DAB1: variants seen among roughly 807,000 people sequenced by gnomAD.
DAB1 encodes DAB adaptor protein 1, also known as disabled homolog 1.
Under a neutral mutation model 64.6 loss-of-function variants are expected in DAB1, and 15 were observed. The ratio of observed to expected loss-of-function variants is 0.23; its 90% confidence interval spans 0.16 to 0.36. The LOEUF is 0.36. Among genes scored for constraint, DAB1 ranks in the 10% least tolerant of loss-of-function variants. The probability of loss-of-function intolerance (pLI) is 1.00; values close to 1 mark genes in which losing one functional copy is unlikely to be tolerated. For synonymous variants in DAB1, 235 were observed against 251.9 expected, an observed-to-expected ratio of 0.93 and a Z score of 0.64; for missense variants, 596 against 706.7, an observed-to-expected ratio of 0.84 and a Z score of 1.78.
chr1:57,626,383 C>T (rs950888478), intron 7 of DAB1, among the ~76,000 whole-genome samples: 1 of 152,146 alleles, frequency 6.6e-6, no homozygotes, highest in Non-Finnish European at 1.5e-5. Context: ...CATACTCACA[C>T]CACAGAGGAT....
intron 1 of DAB1, among the ~76,000 whole-genome samples, chr1:57,303,131 A>G (rs1673810715): frequency 6.6e-6 from 1 of 152,174 alleles, no homozygotes; most frequent in Admixed American, 6.5e-5. Context: ...CCTGAGATTT[A>G]GATGACATTT....
chr1:57,197,325 CAG>C lies in DAB1; in HGVS notation c.68-51898_68-51897del, dbSNP rs1557916674. Among the ~76,000 whole-genome samples the C allele has an allele frequency of 3.0e-5, 4 of 134,432 alleles. No homozygotes were observed. In the South Asian group the frequency reaches 9.2e-4, roughly 31 times the overall value. The allele number at this position is 134,432 out of a possible 152,430, so 88.2% of individuals were successfully genotyped here. On this transcript the variant is annotated intron_variant, in intron 2 of 14. Coordinates refer to ENST00000371236, the MANE Select transcript of DAB1 (RefSeq NM_001365792.1). ...TGCCACTGCACTCCAGTCTAGGTGA[CAG>C]AGAGAGACTTCATCTCAAAAAAAAA... is the stretch of plus-strand genomic sequence containing the variant.
intron 1 of DAB1, among the ~76,000 whole-genome samples, chr1:58,533,665 A>T (rs1205391915): frequency 2.0e-5 from 3 of 152,184 alleles, no homozygotes; most frequent in Non-Finnish European, 4.4e-5. Context: ...AAAGTTTAAA[A>T]TTTAATTTGA....
chr1:57,454,225 T>C (rs1410622934), intron 7 of DAB1, among the ~76,000 whole-genome samples: 1 of 152,100 alleles, frequency 6.6e-6, no homozygotes, highest in Non-Finnish European at 1.5e-5. Flanking sequence ...GGAGTTATAA[T>C]TCACAATAGC....
intron 6 of DAB1, among the ~76,000 whole-genome samples, chr1:57,782,289 C>T (rs756577219): frequency 1.9e-4 from 29 of 152,088 alleles, no homozygotes; most frequent in African/African-American, 4.8e-4. Context: ...ACACTGGTCC[C>T]GTATTTTACA....
At chr1:58,447,283 G>A (rs1179391644) in intron 3 of DAB1, among the ~76,000 whole-genome samples, 1 of 152,106 alleles carries the variant, frequency 6.6e-6, no homozygotes, top group Non-Finnish European at 1.5e-5. Flanking sequence ...AAATAATGGC[G>A]CATTTCAAAG....
intron 3 of DAB1, among the ~76,000 whole-genome samples, chr1:58,497,431 T>C (rs1645822004): frequency 6.6e-6 from 1 of 152,174 alleles, no homozygotes; most frequent in African/African-American, 2.4e-5. Context: ...GTTATGATTA[T>C]GGAAGAAAAT....
intron 5 of DAB1, among the ~76,000 whole-genome samples, chr1:58,064,011 T>G (rs1379705776): frequency 6.6e-6 from 1 of 152,208 alleles, no homozygotes; most frequent in Admixed American, 6.5e-5. Flanking sequence ...TCCATGGGCA[T>G]GAATAGACTT....
At position 57,693,791 on chromosome 1, in the gene DAB1, T is replaced by C. The variant is rs1570744023; in HGVS notation, n.552-44126A>G. Among the ~76,000 whole-genome samples, 3 of 152,170 alleles carry C rather than the reference T, an allele frequency of 2.0e-5. No homozygotes were observed. In the Middle Eastern group the frequency reaches 0.01, roughly 518 times the overall value. On this transcript the variant is annotated intron_variant and non_coding_transcript_variant, in intron 6 of 20. Transcript: ENST00000485760. ...TCTGGATGTGTCTGAAGGAACAAAC[T>C]CCAGAAACACCATCTTTAAGAGCTA...
At chr1:57,694,483 T>C (rs573427632) in intron 6 of DAB1, among the ~76,000 whole-genome samples, 1 of 152,230 alleles carries the variant, frequency 6.6e-6, no homozygotes, top group South Asian at 2.1e-4. Flanking sequence ...ATTGACAACT[T>C]GATAAGCAGT....
chr1:58,513,380 C>T (rs1646111263), intron 2 of DAB1, among the ~76,000 whole-genome samples: 1 of 152,130 alleles, frequency 6.6e-6, no homozygotes, highest in African/African-American at 2.4e-5. Flanking sequence ...TATTTCTTTA[C>T]AGCACTGTGA....
intron 4 of DAB1, among the ~76,000 whole-genome samples, chr1:58,237,456 C>G (rs1236755051): frequency 6.6e-6 from 1 of 152,062 alleles, no homozygotes; most frequent in Non-Finnish European, 1.5e-5. Context: ...CAGGCAATCC[C>G]TTGGAAAGTG....
chr1:58,163,252 GC>G (rs1655640942), intron 4 of DAB1, among the ~76,000 whole-genome samples: 1 of 152,154 alleles, frequency 6.6e-6, no homozygotes, highest in Non-Finnish European at 1.5e-5. Context: ...GTAACTAAGT[GC>G]CAATAACTTA....
chr1:57,917,193 G>A (rs1321184510), intron 5 of DAB1, among the ~76,000 whole-genome samples: 2 of 152,110 alleles, frequency 1.3e-5, no homozygotes, highest in African/African-American at 4.8e-5. Flanking sequence ...CCCTCCCCAT[G>A]AGTAAGCATG....
chr1:57,834,739 T>C (rs559603122), intron 1 of DAB1, among the ~76,000 whole-genome samples: 1 of 151,846 alleles, frequency 6.6e-6, no homozygotes, highest in African/African-American at 2.4e-5. Context: ...TGGTTTAAAA[T>C]ATATATACAT....
intron 11 of DAB1, among the ~76,000 whole-genome samples, chr1:57,016,631 G>C (rs973332104): frequency 1.3e-5 from 2 of 151,686 alleles, no homozygotes; most frequent in Non-Finnish European, 2.9e-5. Context: ...TCCACTCAGG[G>C]GCACCTCATG....
intron 3 of DAB1, among the ~76,000 whole-genome samples, chr1:58,460,469 A>C (rs1007376846): frequency 6.6e-6 from 1 of 152,172 alleles, no homozygotes; most frequent in Non-Finnish European, 1.5e-5. Context: ...ATTGTTTTTT[A>C]TTTCTGGCCA....
At chr1:58,471,020 T>A (rs921130000) in intron 3 of DAB1, among the ~76,000 whole-genome samples, 1 of 152,190 alleles carries the variant, frequency 6.6e-6, no homozygotes, top group African/African-American at 2.4e-5. Flanking sequence ...TTCTCAATTA[T>A]AAAATGGAAC....
chr1:57,138,373 T>C (rs1658306720), intron 3 of DAB1, among the ~76,000 whole-genome samples: 2 of 152,168 alleles, frequency 1.3e-5, no homozygotes, highest in South Asian at 4.1e-4. Flanking sequence ...TCAGCTCTCC[T>C]AGCACTTGGT....
Sources: gnomAD v4.1 joint callset for allele counts (sites outside exome capture counted in the v4.1 genomes callset) on GRCh38, gnomAD v4.1.1 for gene constraint, MANE v1.5 for transcripts, NCBI Gene and HGNC (gene_info 2026-07-23, HGNC 2026-07-21) for gene names.